GTPBP3: variants seen among roughly 807,000 people sequenced by gnomAD.
GTPBP3 encodes the protein GTP binding protein 3, mitochondrial, also known as 5-taurinomethyluridine-[tRNA] synthase subunit GTPB3, mitochondrial.
GTPBP3 carries 35 observed loss-of-function variants against 42.0 expected under a neutral mutation model. That is an observed-to-expected ratio of 0.83 (90% CI 0.64 to 1.10). GTPBP3 has a LOEUF of 1.10. GTPBP3 is among the 50% of genes least tolerant of loss of function. GTPBP3 has a pLI of 0.00. For missense variants in GTPBP3, 691 were observed against 685.2 expected, an observed-to-expected ratio of 1.01 and a Z score of -0.09; for synonymous variants, 332 against 314.9, an observed-to-expected ratio of 1.05 and a Z score of -0.58.
chr19:17,340,521 A>C (rs1015663196), intron 7 of GTPBP3, among the ~76,000 whole-genome samples: 16 of 119,344 alleles, frequency 1.3e-4, no homozygotes, highest in Admixed American at 3.5e-4. Flanking sequence ...ATTCTGCCCC[A>C]CCCCTGGTGC....
rs1343472699 is a variant in GTPBP3, at chr19:17,338,726, C to T, written c.576C>T (p.Ala192=). Reference sequence around the variant, plus strand: ...TGGGCCACCTCTGCCGTGGCTGGGCCGAGACCCTCACCAAAGCAAGTCCCC... The same window carrying T: ...TGGGCCACCTCTGCCGTGGCTGGGCTGAGACCCTCACCAAAGCAAGTCCCC... ...GELGHLCRGW[A]ETLTKALAHV... The change falls in exon 4 of 9, where the codon GCC becomes GCT. Residue 192 remains alanine, a synonymous_variant. Transcript: ENST00000324894. 8.7e-6 allele frequency: 14 copies of T among 1,609,718 alleles called. No individual in the cohort carries two copies. The highest frequency in any genetic ancestry group is 3.3e-5 in the Admixed American group (2 of 59,774).
In GTPBP3 at chr19:17,338,381, C is replaced by T. The variant is rs992188247; in HGVS notation, c.318C>T (p.Thr106=). 5.6e-6 allele frequency: 9 copies of T among 1,614,124 alleles called. No individual in the cohort carries two copies. Among genetic ancestry groups the T allele is most frequent in the African/African-American group, 1.3e-5 (1 of 75,070 alleles). Residue 106 remains threonine (T), a synonymous_variant, in exon 3 of 9, where the codon ACC becomes ACT. Coordinates refer to ENST00000324894, the MANE Select transcript of GTPBP3 (RefSeq NM_032620.4). The part of the protein sequence containing the change: ...VLWFPGPQSF[T]GEDCVEFHVH... ...TCACATTAGGTCCCCAGAGTTTCAC[C>T]GGTGAGGACTGCGTGGAGTTCCACG... is the stretch of plus-strand genomic sequence containing the variant.
upstream of GTPBP3, chr19:17,337,092 C>T (rs2074374559): frequency 6.5e-6 from 1 of 153,076 alleles, no homozygotes; most frequent in South Asian, 2.1e-4. Flanking sequence ...CGTGGGTTCT[C>T]CAGTACTCGT....
In GTPBP3 at chr19:17,339,235, T is replaced by G. The variant is rs751677292; in HGVS notation, c.777T>G (p.Asn259Lys). The G allele has an allele frequency of 6.2e-7, 1 of 1,610,030 alleles. No individual in the cohort carries two copies. Residue 259 changes from asparagine to lysine, a missense_variant, in exon 6 of 9, where the codon AAT becomes AAG. Coordinates refer to ENST00000324894, the MANE Select transcript of GTPBP3 (RefSeq NM_032620.4). Reference sequence around the variant, plus strand: ...ACGTAGTGGTCACTGGACCCCCCAATGCGGGCAAGAGCAGCCTAGTGAACC... The same window carrying G: ...ACGTAGTGGTCACTGGACCCCCCAAGGCGGGCAAGAGCAGCCTAGTGAACC... ...GVHVVVTGPP[N>K]AGKSSLVNLL... is the part of the protein sequence containing the mutation.
At chr19:17,337,948 C>T (rs901749623) in intron 1 of GTPBP3, 60 bp from the exon 2 acceptor site, 1 of 1,572,668 alleles carries the variant, frequency 6.4e-7, no homozygotes, top group Middle Eastern at 2.1e-4. Context: ...AGCCCTCGGT[C>T]TACTTGACAC....
rs1427389989 is a variant in GTPBP3, at chr19:17,341,141, G to A, written c.1072G>A (p.Gly358Arg). The A allele has an allele frequency of 3.7e-6, 6 of 1,613,530 alleles. No homozygotes were observed. The highest frequency in any genetic ancestry group is 3.3e-5 in the Admixed American group (2 of 59,986). Residue 358 changes from glycine to arginine, a missense_variant, in exon 8 of 9, where the codon GGA becomes AGA. Coordinates refer to ENST00000324894, the MANE Select transcript of GTPBP3 (RefSeq NM_032620.4). ...CCTGGCCACCGTCGTAGCCTCTGTG[G>A]GAGCCCAGAGCCCCAGTGACAGCAG... ...NFLATVVASV[G>R]AQSPSDSSQR...
rs768309067 is a variant in GTPBP3, at chr19:17,341,285, G to A, written c.1216G>A (p.Gly406Ser). 2.5e-6 allele frequency: 4 copies of A among 1,604,578 alleles called. No individual in the cohort carries two copies. Among genetic ancestry groups the A allele is most frequent in the South Asian group, 2.2e-5 (2 of 90,948 alleles). Reference sequence around the variant, plus strand: ...CTGTCTGACGGGAGAGGGGCTGGACGGCCTCCTGGAGGCGCTGAGGAAGGA... The same window carrying A: ...CTGTCTGACGGGAGAGGGGCTGGACAGCCTCCTGGAGGCGCTGAGGAAGGA... ...LSCLTGEGLDGLLEALRKELA... is the reference protein window; with the variant it reads ...LSCLTGEGLDSLLEALRKELA... The change falls in exon 8 of 9, where the codon GGC (glycine) becomes AGC (serine). Residue 406 changes from glycine to serine, a missense_variant. Gly to Ser is a moderately conservative substitution (Grantham distance 56). Transcript: ENST00000324894.
At position 17,338,225 on chromosome 19, in the gene GTPBP3, C is replaced by T. The variant is rs755504214; in HGVS notation, c.271C>T (p.Leu91=). The change falls in exon 2 of 9, where the codon CTG becomes TTG. Residue 91 remains leucine (L), a synonymous_variant. Transcript: ENST00000324894. ...LLSDPRSGEP[L]DRALVLWFPG... ...CAGCGATCCCCGCTCCGGGGAGCCT[C>T]TGGACCGCGCACTGGTGCTCTGGTT... 1 of 1,583,598 alleles carries T rather than the reference C, an allele frequency of 6.3e-7. No individual in the cohort carries two copies. Among genetic ancestry groups the T allele is most frequent in the South Asian group, 1.1e-5 (1 of 88,856 alleles).
chr19:17,340,560 G>T (rs60397819), intron 7 of GTPBP3, among the ~76,000 whole-genome samples: 52,532 of 150,402 alleles, frequency 0.35, 10,761 homozygotes, highest in African/African-American at 0.57. Flanking sequence ...TGGTGTGTCT[G>T]GTCCTTCTTG....
intron 5 of GTPBP3, 41 bp downstream of exon 5, chr19:17,339,067 C>A: frequency 6.2e-7 from 1 of 1,614,184 alleles, no homozygotes; most frequent in Non-Finnish European, 8.5e-7. Context: ...CACCTCATAT[C>A]AGCCCTCAAA....
upstream of GTPBP3, chr19:17,335,188 C>A (rs957541521): frequency 2.6e-6 from 4 of 1,530,954 alleles, no homozygotes; most frequent in African/African-American, 5.5e-5. Context: ...GTGACAATAA[C>A]TTCAACCACC....
chr19:17,341,567 A>G lies in GTPBP3; in HGVS notation c.1343A>G (p.Tyr448Cys), dbSNP rs2074432787. 4 of 1,613,848 alleles carry G rather than the reference A, an allele frequency of 2.5e-6. No homozygotes were observed. Among genetic ancestry groups the G allele is most frequent in the South Asian group, 1.1e-5 (1 of 91,084 alleles). ...GGTTGCCTGGATGCCCTCGGCCACT[A>G]CAAGCAGTCAAAAGACCTGGCCCTG... Reference protein sequence around the residue: ...LQGCLDALGHYKQSKDLALAA... With the variant: ...LQGCLDALGHCKQSKDLALAA... The change falls in exon 9 of 9, where the codon TAC (tyrosine) becomes TGC (cysteine). Residue 448 changes from tyrosine to cysteine, a missense_variant. Coordinates refer to ENST00000324894, the MANE Select transcript of GTPBP3 (RefSeq NM_032620.4).
At chr19:17,340,830 T>A in intron 7 of GTPBP3, 9 of 305,740 alleles carry the variant, frequency 2.9e-5, no homozygotes, top group Non-Finnish European at 3.5e-5. Flanking sequence ...CCCTTCCCCC[T>A]GCACTGTGCC....
chr19:17,335,134 A>G (rs766318976), upstream of GTPBP3: 2 of 1,535,754 alleles, frequency 1.3e-6, no homozygotes, highest in South Asian at 2.4e-5. Flanking sequence ...TAAGTTGACT[A>G]AGGGAGGACG....
Position 17,337,683 on chromosome 19 carries a change from G to T in GTPBP3, c.53+19G>T. 1 of 1,364,872 alleles carries T rather than the reference G, an allele frequency of 7.3e-7. No homozygotes were observed. Among genetic ancestry groups the T allele is most frequent in the Non-Finnish European group, 9.5e-7 (1 of 1,056,068 alleles). 84.5% of individuals were successfully genotyped at this position (1,364,872 alleles called of 1,614,324 possible). A position where few individuals can be genotyped will look rare whatever the true frequency, so the allele number is the denominator to read the frequency against. ...CTCGCAGGTGGGGCTACAGGGGAAG[G>T]GGTGCGACAGCTTGGGGTGCTGCTT... On this transcript the variant is annotated intron_variant, in intron 1 of 8. Transcript: ENST00000324894.
At chr19:17,340,980 C>T in intron 7 of GTPBP3, 64 bp from the exon 8 acceptor site, 1 of 1,559,844 alleles carries the variant, frequency 6.4e-7, no homozygotes, top group Non-Finnish European at 8.7e-7. Flanking sequence ...TCTAACTGTC[C>T]CTCCACCCAG....
rs1414881768 is a variant in GTPBP3 at position 17,338,656 on chromosome 19, CAG to C, written c.509_510del (p.Glu170GlyfsTer42). 3.7e-6 allele frequency: 6 copies of C among 1,613,778 alleles called. No individual in the cohort carries two copies. Among genetic ancestry groups the C allele is most frequent in the East Asian group, 4.5e-5 (2 of 44,888 alleles). On this transcript the variant is annotated frameshift_variant, in exon 4 of 9. Coordinates refer to ENST00000324894, the MANE Select transcript of GTPBP3 (RefSeq NM_032620.4). LOFTEE classifies it high-confidence loss of function. ...CTGGCGGACCTTATCCACGCGGAAA[CAG>C]AGGCGCAGCGGCGGCAGGCCCTCAG...
At position 17,341,239 on chromosome 19, in the gene GTPBP3, G is replaced by T. The variant is rs775893367; in HGVS notation, c.1170G>T (p.Leu390=). 6 of 1,607,232 alleles carry T rather than the reference G, an allele frequency of 3.7e-6. No individual in the cohort carries two copies. The highest frequency in any genetic ancestry group is 3.3e-5 in the South Asian group (3 of 91,064). The stretch of plus-strand genomic sequence containing the variant: ...AGGGCCCAGGTCCCGGTCCTGACCT[G>T]CCCCCGCACCTGCTGCTGTCCTGTC... ...SPEGPGPGPD[L]PPHLLLSCLT... Residue 390 remains leucine, a synonymous_variant, in exon 8 of 9, where the codon CTG becomes CTT. Coordinates refer to ENST00000324894, the MANE Select transcript of GTPBP3 (RefSeq NM_032620.4).
At chr19:17,340,838 G>GC (rs1829451200) in intron 7 of GTPBP3, 1 of 408,274 alleles carries the variant, frequency 2.4e-6, no homozygotes, top group Non-Finnish European at 4.5e-6. Context: ...CCTGCACTGT[G>GC]CCCCGCCCCT....
Sources: gnomAD v4.1 joint callset for allele counts (sites outside exome capture counted in the v4.1 genomes callset) on GRCh38, gnomAD v4.1.1 for gene constraint, MANE v1.5 for transcripts, NCBI Gene and HGNC (gene_info 2026-07-23, HGNC 2026-07-21) for gene names.